ZNF10: variants seen among roughly 807,000 people sequenced by gnomAD.
ZNF10 encodes the protein zinc finger protein 10, also known as zinc finger protein 10 (KOX 1).
ZNF10 carries 8 observed loss-of-function variants against 12.2 expected under a neutral mutation model. The ratio of observed to expected loss-of-function variants is 0.66; its 90% CI spans 0.39 to 1.18. ZNF10 has a LOEUF of 1.18. Among genes scored for constraint, ZNF10 ranks in the 50% most tolerant of loss-of-function variants. ZNF10 has a pLI of 0.01. For missense variants in ZNF10, 603 were observed against 678.9 expected (o/e 0.89, Z 1.24); for synonymous variants, 229 against 228.2 (o/e 1.00, Z -0.03).
At chr12:133,142,898 T>TG (rs2135460173) in intron 1 of ZNF10, among the ~76,000 whole-genome samples, 1 of 152,314 alleles carries the variant, frequency 6.6e-6, no homozygotes, top group South Asian at 2.1e-4. Context: ...TGTATGCCAG[T>TG]GCTCATGGCA....
chr12:133,149,112 G>A (rs993501768), intron 2 of ZNF10, among the ~76,000 whole-genome samples: 1 of 147,832 alleles, frequency 6.8e-6, no homozygotes, highest in African/African-American at 2.5e-5. Context: ...TGTTTGTTTT[G>A]AGGCAGGGTC....
intron 1 of ZNF10, among the ~76,000 whole-genome samples, chr12:133,142,446 C>T (rs1043666058): frequency 1.4e-5 from 2 of 146,450 alleles, no homozygotes; most frequent in African/African-American, 5.1e-5. Flanking sequence ...AAACTATTTG[C>T]AAATCATGTA....
chr12:133,156,976 G>A lies in ZNF10; in HGVS notation c.*8G>A, dbSNP rs1173168510. 2.8e-6 allele frequency: 4 copies of A among 1,409,424 alleles called. No individual in the cohort carries two copies. In the South Asian group the frequency reaches 8.1e-5, roughly 29 times the overall value. The allele number at this position is 1,409,424 out of a possible 1,614,324, so 87.3% of individuals were successfully genotyped here. On this transcript the variant is annotated 3_prime_UTR_variant, in exon 5 of 5. Transcript: ENST00000248211. ...AGAGAAAATGCTTACTAATAAATAT[G>A]GGAATTTTTCACAAAGAGCAATGAC...
chr12:133,155,352 T>C (rs2135465347), intron 4 of ZNF10, 151 bp from the exon 5 acceptor site: 7 of 875,112 alleles, frequency 8.0e-6, no homozygotes, highest in Non-Finnish European at 1.2e-5. Flanking sequence ...TGTTTACCGC[T>C]CCATTCTTCC....
chr12:133,137,095 C>T (rs977354988), intron 1 of ZNF10, among the ~76,000 whole-genome samples: 1 of 152,172 alleles, frequency 6.6e-6, no homozygotes, highest in Admixed American at 6.5e-5. Context: ...CTTTCTCACA[C>T]CCACATTCAG....
chr12:133,141,824 G>A (rs11609382), intron 1 of ZNF10, among the ~76,000 whole-genome samples: 27,855 of 151,870 alleles, frequency 0.18, 3,276 homozygotes, highest in Non-Finnish European at 0.26. Flanking sequence ...CTATAAACCC[G>A]CAAGTTCAAG....
chr12:133,150,787 A>G (rs113185946), intron 2 of ZNF10, among the ~76,000 whole-genome samples: 45 of 152,316 alleles, frequency 3.0e-4, no homozygotes, highest in Admixed American at 1.2e-3. Context: ...AAAAATGCTT[A>G]TGACAGTTTT....
At chr12:133,135,680 TCTC>T (rs1475097620) in intron 1 of ZNF10, among the ~76,000 whole-genome samples, 2 of 152,220 alleles carry the variant, frequency 1.3e-5, no homozygotes, top group African/African-American at 2.4e-5. Flanking sequence ...TCTTGGAGGT[TCTC>T]CTCAAATCTG....
chr12:133,151,115 A>G lies in ZNF10; in HGVS notation c.121A>G (p.Asn41Asp). The G allele has an allele frequency of 6.2e-7, 1 of 1,613,732 alleles. No homozygotes were observed. The highest frequency in any genetic ancestry group is 1.3e-5 in the African/African-American group (1 of 75,034). Residue 41 changes from asparagine to aspartate, a missense_variant, in exon 3 of 5, where the codon AAT (asparagine) becomes GAT (aspartate). This residue lies in a region of ZNF10 where 393 missense variants were observed against 399.7 expected (regional missense o/e 0.98). Coordinates refer to ENST00000248211, the MANE Select transcript of ZNF10 (RefSeq NM_015394.5). ...CACTGCTCAGCAGATCGTGTACAGA[A>G]ATGTGATGCTGGAGAACTATAAGAA... is the stretch of plus-strand genomic sequence containing the variant. ...LDTAQQIVYR[N>D]VMLENYKNLV...
rs1956034536 is a variant in ZNF10 at position 133,155,621 on chromosome 12, A to G, written c.375A>G (p.Ser125=). ...CAAGGAATGATCTCTGGTATTTGTC[A>G]TTAGAAGAAGTCTGGAAATGTAGAG... ...GMARNDLWYL[S]LEEVWKCRDQ... Residue 125 remains serine (S), a synonymous_variant, in exon 5 of 5, where the codon TCA becomes TCG. Coordinates refer to ENST00000248211, the MANE Select transcript of ZNF10 (RefSeq NM_015394.5). 1 of 1,613,952 alleles carries G rather than the reference A, an allele frequency of 6.2e-7. No individual in the cohort carries two copies. The highest frequency in any genetic ancestry group is 8.5e-7 in the Non-Finnish European group (1 of 1,179,982).
chr12:133,147,402 C>T (rs974261392), intron 2 of ZNF10, among the ~76,000 whole-genome samples: 1 of 152,212 alleles, frequency 6.6e-6, no homozygotes, highest in Non-Finnish European at 1.5e-5. Flanking sequence ...TCCGCATCCT[C>T]ACCAGCACTT....
chr12:133,141,301 C>T (rs961134616), intron 1 of ZNF10, among the ~76,000 whole-genome samples: 4 of 152,152 alleles, frequency 2.6e-5, no homozygotes, highest in Admixed American at 1.3e-4. Context: ...GCATCCAATA[C>T]AATAACATTC....
At position 133,136,103 on chromosome 12, in the gene ZNF10, T is replaced by C. The variant is rs528336357; in HGVS notation, c.-60+5349T>C. Among the ~76,000 whole-genome samples the C allele has an allele frequency of 3.3e-5, 5 of 152,326 alleles. No homozygotes were observed. In the South Asian group the frequency reaches 1.0e-3, roughly 32 times the overall value. On this transcript the variant is annotated intron_variant, in intron 1 of 4. Transcript: ENST00000248211. ...CTAATTGTCAACATCCCACCTATCC[T>C]GACTTCCAGGAGGTAGGAGAGAATG...
chr12:133,157,050 CTA>C lies in ZNF10; in HGVS notation c.*84_*85del, dbSNP rs1232404308. On this transcript the variant is annotated 3_prime_UTR_variant, in exon 5 of 5. Transcript: ENST00000248211. ...TGGAGATAAGCTGTACAAATTGAAT[CTA>C]TGTGGAAATGCTTTCAGTCTTGTTA... 1.4e-5 allele frequency: 18 copies of C among 1,250,852 alleles called. No homozygotes were observed. Among genetic ancestry groups the C allele is most frequent in the South Asian group, 1.4e-4 (5 of 35,000 alleles). The allele number at this position is 1,250,852 out of a possible 1,614,324, so 77.5% of individuals were successfully genotyped here. A position where few individuals can be genotyped will look rare whatever the true frequency, so the allele number is the denominator to read the frequency against.
At chr12:133,132,320 A>G (rs1293777345) in intron 1 of ZNF10, among the ~76,000 whole-genome samples, 1 of 142,574 alleles carries the variant, frequency 7.0e-6, no homozygotes, top group Non-Finnish European at 1.5e-5. Flanking sequence ...CCCATGCTGG[A>G]GTGCAATGGC....
intron 4 of ZNF10, among the ~76,000 whole-genome samples, chr12:133,154,369 G>A (rs2135464941): frequency 6.6e-6 from 1 of 152,286 alleles, no homozygotes; most frequent in East Asian, 1.9e-4. Context: ...TCTTGTGGTA[G>A]TAGTCCTATC....
chr12:133,144,460 A>C lies in ZNF10; in HGVS notation c.-33A>C. On this transcript the variant is annotated 5_prime_UTR_variant, in exon 2 of 5. Coordinates refer to ENST00000248211, the MANE Select transcript of ZNF10 (RefSeq NM_015394.5). The stretch of plus-strand genomic sequence containing the variant: ...TTTGTCTCCTCAGCACTCTGCTGTC[A>C]CTCAAGGAAGTATCATCAAGAACAA... The C allele has an allele frequency of 6.2e-7, 1 of 1,612,186 alleles. No homozygotes were observed. Among genetic ancestry groups the C allele is most frequent in the Non-Finnish European group, 8.5e-7 (1 of 1,178,738 alleles).
At chr12:133,150,992 A>AT (rs778502295) in intron 2 of ZNF10, 36 bp from the exon 3 acceptor site, 1 of 1,601,380 alleles carries the variant, frequency 6.2e-7, no homozygotes, top group Non-Finnish European at 8.5e-7. Context: ...GCAAAGATGC[A>AT]TATCTGGTGC....
At chr12:133,150,325 T>A (rs1955999698) in intron 2 of ZNF10, among the ~76,000 whole-genome samples, 1 of 152,322 alleles carries the variant, frequency 6.6e-6, no homozygotes, top group African/African-American at 2.4e-5. Context: ...TGAAAGATAT[T>A]TTCACTGGAC....
Sources: gnomAD v4.1 joint callset for allele counts (sites outside exome capture counted in the v4.1 genomes callset) on GRCh38, gnomAD v4.1.1 for gene constraint, gnomAD v4.1.1 regional missense constraint, MANE v1.5 for transcripts, NCBI Gene and HGNC (gene_info 2026-07-23, HGNC 2026-07-21) for gene names.